The following DCDC2C variants were observed in gnomAD, a reference collection of about 807,000 sequenced individuals.
DCDC2C encodes the protein doublecortin domain-containing protein 2C.
In DCDC2C, 44 loss-of-function variants were observed where a neutral mutation model predicts 45.0. The observed-to-expected ratio is 0.98, with a 90% confidence interval of 0.77 to 1.26. The LOEUF (loss-of-function observed/expected upper bound fraction) is 1.26, where lower values mean the gene tolerates loss of function less well. DCDC2C is among the 50% of genes most tolerant of loss of function. DCDC2C has a pLI of 0.00. For synonymous variants in DCDC2C, 187 were observed against 178.8 expected (o/e 1.05, Z -0.37); for missense variants, 447 against 468.9 (o/e 0.95, Z 0.43).
chr2:3,710,451 T>C (rs1668175183), intron 2 of DCDC2C, among the ~76,000 whole-genome samples: 1 of 152,170 alleles, frequency 6.6e-6, no homozygotes, highest in African/African-American at 2.4e-5. Context: ...AGCGAGGACA[T>C]GTGGTGTTTG....
intron 6 of DCDC2C, among the ~76,000 whole-genome samples, chr2:3,755,137 ATG>A (rs1020589372): frequency 3.4e-5 from 5 of 146,580 alleles, no homozygotes; most frequent in East Asian, 3.9e-4. Flanking sequence ...GTGTGGAGGC[ATG>A]TGTGTGTATG....
At chr2:3,774,770 AT>A (rs5828891) in intron 8 of DCDC2C, among the ~76,000 whole-genome samples, 16,441 of 146,430 alleles carry the variant, frequency 0.11, 1,062 homozygotes, top group East Asian at 0.28. Context: ...TGAATTTTTG[AT>A]TTTTTTTTTT....
intron 10 of DCDC2C, among the ~76,000 whole-genome samples, chr2:3,806,647 A>G (rs1242771850): frequency 2.0e-5 from 3 of 150,864 alleles, no homozygotes; most frequent in Non-Finnish European, 4.4e-5. Context: ...GGTTCAAGCG[A>G]TTCTCCTGCC....
intron 10 of DCDC2C, among the ~76,000 whole-genome samples, chr2:3,819,423 A>G (rs1823860): frequency 0.74 from 113,266 of 152,200 alleles, 42,623 homozygotes; most frequent in East Asian, 0.91. Flanking sequence ...TAGACATTTC[A>G]AAGTTTTTGT....
At position 3,731,672 on chromosome 2, in the gene DCDC2C, A is replaced by C. The variant is rs114408963; in HGVS notation, c.416+4593A>C. Among the ~76,000 whole-genome samples the C allele has an allele frequency of 7.3e-3, 1,114 of 152,308 alleles. 16 individuals carry two copies. The highest frequency in any genetic ancestry group is 0.025 in the African/African-American group (1,058 of 41,572). On this transcript the variant is annotated intron_variant, in intron 3 of 10. Transcript: ENST00000399143. Reference sequence around the variant, plus strand: ...GGGGTGTTGAAGGAAGATGATGTCTAAAGGGAGTTTGGCCCTTACACTGAG... The same window carrying C: ...GGGGTGTTGAAGGAAGATGATGTCTCAAGGGAGTTTGGCCCTTACACTGAG...
intron 3 of DCDC2C, among the ~76,000 whole-genome samples, chr2:3,733,004 C>A (rs576229041): frequency 3.9e-5 from 6 of 152,138 alleles, no homozygotes. Context: ...TGTGATCTTT[C>A]ATTAGAAATT....
At chr2:3,773,495 G>A (rs1013445136) in intron 8 of DCDC2C, among the ~76,000 whole-genome samples, 3 of 152,106 alleles carry the variant, frequency 2.0e-5, no homozygotes, top group African/African-American at 7.2e-5. Flanking sequence ...TTACACTAAA[G>A]TCTCGAATCA....
intron 5 of DCDC2C, among the ~76,000 whole-genome samples, chr2:3,754,052 T>G (rs1669616535): frequency 6.6e-6 from 1 of 152,236 alleles, no homozygotes; most frequent in Admixed American, 6.5e-5. Context: ...CAGTGTGTTT[T>G]GCTTTTTGCC....
intron 8 of DCDC2C, among the ~76,000 whole-genome samples, chr2:3,772,947 A>G (rs1201409544): frequency 1.3e-5 from 2 of 152,214 alleles, no homozygotes; most frequent in African/African-American, 4.8e-5. Flanking sequence ...GTGGGTGCTC[A>G]TCTGTGGCTC....
At chr2:3,807,836 G>A (rs1038488861) in intron 10 of DCDC2C, among the ~76,000 whole-genome samples, 5 of 152,068 alleles carry the variant, frequency 3.3e-5, no homozygotes, top group Non-Finnish European at 4.4e-5. Flanking sequence ...GAGCATACGC[G>A]CCTCTGTCAC....
At chr2:3,776,193 C>T (rs1670328285) in intron 8 of DCDC2C, among the ~76,000 whole-genome samples, 1 of 152,226 alleles carries the variant, frequency 6.6e-6, no homozygotes, top group South Asian at 2.1e-4. Flanking sequence ...TCTTTAGCTT[C>T]TCTCATGCCC....
At chr2:3,720,144 C>G (rs1037809252) in intron 2 of DCDC2C, among the ~76,000 whole-genome samples, 7 of 152,164 alleles carry the variant, frequency 4.6e-5, no homozygotes, top group African/African-American at 1.7e-4. Flanking sequence ...GCTGGTGTGG[C>G]AAAGGTGTGT....
chr2:3,741,876 CAAACTT>C, intron 3 of DCDC2C, 38 bp from the exon 4 acceptor site: 7 of 1,506,612 alleles, frequency 4.6e-6, no homozygotes, highest in Admixed American at 4.6e-5. Flanking sequence ...GTTTCCCCCT[CAAACTT>C]AAGGTATTAA....
chr2:3,760,401 T>C (rs1046614189), intron 6 of DCDC2C, among the ~76,000 whole-genome samples: 2 of 152,128 alleles, frequency 1.3e-5, no homozygotes, highest in Admixed American at 6.5e-5. Flanking sequence ...GCAGCACTAT[T>C]TACAATAGCA....
intron 10 of DCDC2C, among the ~76,000 whole-genome samples, chr2:3,810,007 G>A (rs939712656): frequency 6.6e-6 from 1 of 152,082 alleles, no homozygotes; most frequent in Non-Finnish European, 1.5e-5. Flanking sequence ...TGGGCATTTG[G>A]GTTTGTTCCA....
At chr2:3,726,568 G>A (rs1443571081) in intron 2 of DCDC2C, among the ~76,000 whole-genome samples, 3 of 152,180 alleles carry the variant, frequency 2.0e-5, no homozygotes, top group African/African-American at 7.2e-5. Flanking sequence ...CATTCTGGTT[G>A]GAGTCTTGTA....
chr2:3,802,656 G>A (rs1276981583), intron 10 of DCDC2C, among the ~76,000 whole-genome samples: 2 of 152,162 alleles, frequency 1.3e-5, no homozygotes, highest in Non-Finnish European at 2.9e-5. Context: ...GGGCAAATCA[G>A]CTCTCTGGGG....
At chr2:3,841,383 T>C (rs1017330683) in intron 10 of DCDC2C, among the ~76,000 whole-genome samples, 3 of 149,932 alleles carry the variant, frequency 2.0e-5, no homozygotes, top group African/African-American at 7.3e-5. Context: ...ACAAATATTA[T>C]TTTATATTAA....
At position 3,717,341 on chromosome 2, in the gene DCDC2C, C is replaced by T. The variant is rs140807201; in HGVS notation, c.339+8741C>T. The stretch of plus-strand genomic sequence containing the variant: ...ACTCATTGGCCTCTGACTCCAAACC[C>T]AATTGTTATTTTGTGTTTCCTATTC... On this transcript the variant is annotated intron_variant, in intron 2 of 10. Coordinates refer to ENST00000399143, the MANE Select transcript of DCDC2C (RefSeq NM_001287444.2). Among the ~76,000 whole-genome samples the T allele has an allele frequency of 3.9e-3, 594 of 152,250 alleles. 4 individuals carry two copies. Among genetic ancestry groups the T allele is most frequent in the African/African-American group, 0.014 (566 of 41,550 alleles).
Sources: gnomAD v4.1 joint callset for allele counts (sites outside exome capture counted in the v4.1 genomes callset) on GRCh38, gnomAD v4.1.1 for gene constraint, MANE v1.5 for transcripts, NCBI Gene and HGNC (gene_info 2026-07-23, HGNC 2026-07-21) for gene names.